XPO5: variants seen among roughly 807,000 people sequenced by gnomAD.
XPO5 encodes exportin 5.
XPO5 carries 46 observed loss-of-function variants against 160.6 expected under a neutral mutation model. The ratio of observed to expected loss-of-function variants is 0.29; its 90% CI spans 0.23 to 0.37. XPO5 has a LOEUF of 0.37. XPO5 is among the 10% of genes least tolerant of loss of function. The pLI is 1.00. For synonymous variants in XPO5, 537 were observed against 519.3 expected, an observed-to-expected ratio of 1.03 and a Z score of -0.46; for missense variants, 1,090 against 1,463.9, an observed-to-expected ratio of 0.74 and a Z score of 4.17.
In XPO5 at chr6:43,549,573, G is replaced by A; in HGVS notation, c.1776C>T (p.Pro592=). The change falls in exon 17 of 32, where the codon CCC becomes CCT. Residue 592 remains proline, a synonymous_variant. Transcript: ENST00000265351. ...TFETVEESKA[P]RTRAVRNVRR... The stretch of plus-strand genomic sequence containing the variant: ...TCACATTCCTCACTGCCCGGGTTCT[G>A]GGGGCCTGAAAAGAGACATTCAACA... The A allele has an allele frequency of 6.2e-7, 1 of 1,612,580 alleles. No homozygotes were observed. Among genetic ancestry groups the A allele is most frequent in the Non-Finnish European group, 8.5e-7 (1 of 1,179,418 alleles).
chr6:43,564,613 A>G (rs749698584), intron 8 of XPO5, among the ~76,000 whole-genome samples: 2 of 151,842 alleles, frequency 1.3e-5, no homozygotes, highest in Non-Finnish European at 2.9e-5. Context: ...TTTAAAAACT[A>G]TTTTTTTGAG....
At chr6:43,527,610 C>G in intron 26 of XPO5, 24 bp downstream of exon 26, 1 of 1,612,232 alleles carries the variant, frequency 6.2e-7, no homozygotes, top group Non-Finnish European at 8.5e-7. Flanking sequence ...TCCTCTATAG[C>G]CCCAGTTTCG....
At chr6:43,571,060 G>A in intron 3 of XPO5, 66 bp from the exon 4 acceptor site, 1 of 1,523,206 alleles carries the variant, frequency 6.6e-7, no homozygotes, top group South Asian at 1.3e-5. Flanking sequence ...GAAAAAAGCT[G>A]GGCTGTAGAG....
At chr6:43,569,300 A>T (rs538831545) in intron 5 of XPO5, among the ~76,000 whole-genome samples, 2 of 151,552 alleles carry the variant, frequency 1.3e-5, no homozygotes, top group Non-Finnish European at 2.9e-5. Flanking sequence ...CTCAAAAAAA[A>T]AAAAACAACA....
chr6:43,559,703 G>C (rs890115882), intron 11 of XPO5, among the ~76,000 whole-genome samples: 1 of 152,194 alleles, frequency 6.6e-6, no homozygotes, highest in Non-Finnish European at 1.5e-5. Flanking sequence ...CTCTCATATG[G>C]AAGAGCAGTT....
intron 23 of XPO5, chr6:43,529,212 A>T: frequency 7.0e-7 from 1 of 1,420,990 alleles, no homozygotes; most frequent in Non-Finnish European, 9.4e-7. Context: ...ACATCCTTGT[A>T]ACAAACTCTC....
Position 43,526,707 on chromosome 6 carries a change from A to G in XPO5, c.2961T>C (p.Ser987=). 6.2e-7 allele frequency: 1 copy of G among 1,613,958 alleles called. No homozygotes were observed. The highest frequency in any genetic ancestry group is 8.5e-7 in the Non-Finnish European group (1 of 1,179,882). Residue 987 remains serine (S), a synonymous_variant, in exon 27 of 32, where the codon AGT becomes AGC. Coordinates refer to ENST00000265351, the MANE Select transcript of XPO5 (RefSeq NM_020750.3). ...TACCGTCTCCATCTGCTGGGGGAGCACTACTGTGGTCAGCACCCTTCTTTG... is the reference window on the plus strand; with the variant it reads ...TACCGTCTCCATCTGCTGGGGGAGCGCTACTGTGGTCAGCACCCTTCTTTG... ...CVSKKGADHS[S]APPADGDDEE...
intron 8 of XPO5, among the ~76,000 whole-genome samples, chr6:43,563,015 C>T (rs1762490987): frequency 2.0e-5 from 3 of 152,066 alleles, no homozygotes; most frequent in Admixed American, 2.0e-4. Flanking sequence ...CTCCTTGGGA[C>T]CAAAAGTAAA....
chr6:43,523,711 GCA>G lies in XPO5; in HGVS notation c.*155_*156del. On this transcript the variant is annotated 3_prime_UTR_variant, in exon 32 of 32. Coordinates refer to ENST00000265351, the MANE Select transcript of XPO5 (RefSeq NM_020750.3). ...CTTTAGTATAATTACTTCTGGTCCTGCACAGGGCCTGTTCTCTCCAGCTCCAG... is the reference window on the plus strand; with the variant it reads ...CTTTAGTATAATTACTTCTGGTCCTGCAGGGCCTGTTCTCTCCAGCTCCAG... The G allele has an allele frequency of 1.7e-6, 2 of 1,161,636 alleles. No individual in the cohort carries two copies. The highest frequency in any genetic ancestry group is 2.6e-6 in the Non-Finnish European group (2 of 767,736). 72.0% of individuals were successfully genotyped at this position (1,161,636 alleles called of 1,614,324 possible). A position where few individuals can be genotyped will look rare whatever the true frequency, so the allele number is the denominator to read the frequency against.
In XPO5 at chr6:43,553,448, T is replaced by G. The variant is rs1385573206; in HGVS notation, c.1497A>C (p.Ser499=). 9 of 1,592,722 alleles carry G rather than the reference T, an allele frequency of 5.7e-6. No individual in the cohort carries two copies. The highest frequency in any genetic ancestry group is 3.4e-5 in the South Asian group (3 of 87,492). The change falls in exon 14 of 32, where the codon TCA becomes TCC. Residue 499 remains serine, a synonymous_variant. Transcript: ENST00000265351. ...GAGTCATGGCTTCCCACTGCACGAA[T>G]GAAGGTGAGAAGACGGAACAGAGGC... ...EGSLCSVFSP[S]FVQWEAMTLF...
chr6:43,567,880 G>A (rs1303399481), intron 6 of XPO5, among the ~76,000 whole-genome samples: 1 of 150,638 alleles, frequency 6.6e-6, no homozygotes, highest in Non-Finnish European at 1.5e-5. Flanking sequence ...AAGCTGCAGT[G>A]AGCCACGTTT....
chr6:43,546,126 G>A (rs1005890506), intron 20 of XPO5, among the ~76,000 whole-genome samples: 7 of 152,118 alleles, frequency 4.6e-5, no homozygotes, highest in South Asian at 2.1e-4. Context: ...TTCAGCCAGC[G>A]GTTGTTTGGT....
At chr6:43,575,674 G>C in intron 1 of XPO5, 86 bp downstream of exon 1, 4 of 1,251,252 alleles carry the variant, frequency 3.2e-6, no homozygotes, top group Middle Eastern at 2.0e-4. Flanking sequence ...GTGGGCGGGA[G>C]ACTACCCCAG....
intron 28 of XPO5, 38 bp downstream of exon 28, chr6:43,525,801 G>C: frequency 1.2e-6 from 2 of 1,603,504 alleles, no homozygotes; most frequent in East Asian, 4.5e-5. Context: ...TCCCCACCTG[G>C]GCAAGGAGTA....
At chr6:43,524,139 G>A (rs1460049446) in intron 31 of XPO5, 134 bp from the exon 32 acceptor site, 3 of 1,325,314 alleles carry the variant, frequency 2.3e-6, no homozygotes, top group South Asian at 2.9e-5. Context: ...ATCACCTGAG[G>A]TCAGGAGTTC....
At chr6:43,565,912 T>C (rs1762672873) in intron 7 of XPO5, among the ~76,000 whole-genome samples, 176 bp from the exon 8 acceptor site, 1 of 152,216 alleles carries the variant, frequency 6.6e-6, no homozygotes. Context: ...AACTACATAT[T>C]TTTTCTCAAA....
At position 43,522,687 on chromosome 6, in the gene XPO5, GT is replaced by G. The variant is rs1412574074; in HGVS notation, c.*1180del. On this transcript the variant is annotated 3_prime_UTR_variant, in exon 32 of 32. Coordinates refer to ENST00000265351, the MANE Select transcript of XPO5 (RefSeq NM_020750.3). ...GCACCAGCTAAAAACTGTAGCTTCA[GT>G]CCACTTCGGCTCTCGGGGAAACCCT... is the stretch of plus-strand genomic sequence containing the variant. The G allele has an allele frequency of 2.0e-6, 1 of 492,402 alleles. No individual in the cohort carries two copies. The highest frequency in any genetic ancestry group is 2.0e-5 in the Admixed American group (1 of 48,992). 30.5% of individuals were successfully genotyped at this position (492,402 alleles called of 1,614,324 possible).
intron 5 of XPO5, among the ~76,000 whole-genome samples, chr6:43,570,004 T>C (rs1274829498): frequency 1.4e-5 from 1 of 73,284 alleles, no homozygotes; most frequent in East Asian, 2.8e-4. Flanking sequence ...GATCCCTATC[T>C]TTTTTTTTTT....
At chr6:43,531,043 C>T (rs932812073) in intron 22 of XPO5, among the ~76,000 whole-genome samples, 8 of 152,180 alleles carry the variant, frequency 5.3e-5, no homozygotes, top group Non-Finnish European at 8.8e-5. Context: ...TGTGGACTTA[C>T]AATGGACGAT....
Sources: allele counts gnomAD v4.1 joint callset (sites outside exome capture counted in the v4.1 genomes callset), GRCh38; gene constraint gnomAD v4.1.1; transcripts MANE v1.5; gene names NCBI Gene and HGNC (gene_info 2026-07-23, HGNC 2026-07-21).